C5orf34: variants seen among roughly 807,000 people sequenced by gnomAD.
The protein encoded by C5orf34 is chromosome 5 open reading frame 34, also known as uncharacterized protein C5orf34.
In C5orf34, 73 loss-of-function variants were observed where a neutral mutation model predicts 78.4. The observed-to-expected ratio is 0.93, with a 90% CI of 0.77 to 1.13. C5orf34 has a LOEUF of 1.13. Ranked by LOEUF, C5orf34 falls within the 50% of genes most tolerant of loss-of-function variation. The pLI is 0.00. For synonymous variants in C5orf34, 251 were observed against 246.6 expected, an observed-to-expected ratio of 1.02 and a Z score of -0.17; for missense variants, 730 against 732.7, an observed-to-expected ratio of 1.00 and a Z score of 0.04.
intron 6 of C5orf34, among the ~76,000 whole-genome samples, chr5:43,501,556 A>G (rs1745761270): frequency 6.6e-6 from 1 of 152,244 alleles, no homozygotes; most frequent in East Asian, 1.9e-4. Flanking sequence ...TTACTTAAAA[A>G]TAAACAGGGA....
At chr5:43,506,453 A>T in intron 3 of C5orf34, 59 bp from the exon 4 acceptor site, 1 of 1,455,026 alleles carries the variant, frequency 6.9e-7, no homozygotes, top group Non-Finnish European at 9.2e-7. Context: ...CAATTTTTCC[A>T]TATATTTGAT....
chr5:43,510,236 G>A (rs574339398), intron 1 of C5orf34, among the ~76,000 whole-genome samples: 1 of 152,070 alleles, frequency 6.6e-6, no homozygotes, highest in South Asian at 2.1e-4. Flanking sequence ...CCAAATACCT[G>A]GAATCCTGTC....
chr5:43,488,944 A>C (rs910019781), intron 11 of C5orf34, among the ~76,000 whole-genome samples: 6 of 152,088 alleles, frequency 3.9e-5, no homozygotes, highest in Admixed American at 2.6e-4. Flanking sequence ...ACAACAGATC[A>C]CATGCACCTC....
At chr5:43,509,057 G>C in intron 2 of C5orf34, 88 bp downstream of exon 2, 1 of 993,678 alleles carries the variant, frequency 1.0e-6, no homozygotes. Flanking sequence ...GTGAGCTATG[G>C]TAGTGCCACT....
At chr5:43,509,470 T>C (rs1579882051) in intron 1 of C5orf34, 95 bp from the exon 2 acceptor site, 1 of 644,204 alleles carries the variant, frequency 1.6e-6, no homozygotes, top group East Asian at 2.9e-5. Flanking sequence ...GAAGATGACA[T>C]TGCCATTGCA....
intron 3 of C5orf34, among the ~76,000 whole-genome samples, chr5:43,506,718 C>T (rs925936324): frequency 6.6e-6 from 1 of 151,246 alleles, no homozygotes; most frequent in African/African-American, 2.4e-5. Flanking sequence ...CCTCACCCTG[C>T]AAAAGTTTAC....
chr5:43,496,240 G>A (rs1745512666), intron 6 of C5orf34: 2 of 1,578,468 alleles, frequency 1.3e-6, no homozygotes, highest in East Asian at 2.2e-5. Flanking sequence ...GATATCAATG[G>A]TGATACCACG....
rs1229601804 is a variant in C5orf34 at position 43,492,232 on chromosome 5, G to T, written c.1563C>A (p.His521Gln). The change falls in exon 10 of 13, where the codon CAC becomes CAA. Residue 521 changes from histidine (H) to glutamine (Q), a missense_variant. Coordinates refer to ENST00000306862, the MANE Select transcript of C5orf34 (RefSeq NM_198566.4). ...TTCAGTACCTTTCATATGGTTCAGG[G>T]TGTTCAATCTGAATTAACTGCTCTT... The part of the protein sequence containing the change: ...DGQEQLIQIE[H>Q]PEPYERYVTT... 6.2e-7 allele frequency: 1 copy of T among 1,610,788 alleles called. No homozygotes were observed. The highest frequency in any genetic ancestry group is 1.1e-5 in the South Asian group (1 of 90,374).
intron 3 of C5orf34, among the ~76,000 whole-genome samples, chr5:43,507,923 A>G (rs1482129179): frequency 6.6e-6 from 1 of 152,118 alleles, no homozygotes; most frequent in Non-Finnish European, 1.5e-5. Flanking sequence ...CTAAAAATGC[A>G]AGAAATTAGC....
Position 43,509,185 on chromosome 5 carries a change from C to G in C5orf34, c.155G>C (p.Arg52Thr). The G allele has an allele frequency of 6.2e-7, 1 of 1,613,838 alleles. No homozygotes were observed. Among genetic ancestry groups the G allele is most frequent in the Non-Finnish European group, 8.5e-7 (1 of 1,179,952 alleles). The change falls in exon 2 of 13, where the codon AGA becomes ACA. Residue 52 changes from arginine to threonine, a missense_variant. Transcript: ENST00000306862. Reference sequence around the variant, plus strand: ...GACAAAATGTGTCCTTTGACGAATTCTTTCTGGTTGTTCTAAAGGATGTGC... The same window carrying G: ...GACAAAATGTGTCCTTTGACGAATTGTTTCTGGTTGTTCTAAAGGATGTGC... ...VSAHPLEQPERIRQRTHFVIS... is the reference protein window; with the variant it reads ...VSAHPLEQPETIRQRTHFVIS...
At chr5:43,492,174 A>T in intron 10 of C5orf34, 41 bp downstream of exon 10, 1 of 1,344,068 alleles carries the variant, frequency 7.4e-7, no homozygotes, top group Non-Finnish European at 1.1e-6. Flanking sequence ...GTTAGTTAAA[A>T]GTAAAACATA....
At chr5:43,506,645 A>T (rs911077635) in intron 3 of C5orf34, among the ~76,000 whole-genome samples, 4 of 152,198 alleles carry the variant, frequency 2.6e-5, no homozygotes, top group Non-Finnish European at 4.4e-5. Context: ...AAATGGTCAT[A>T]TTTAGTGTTA....
In C5orf34 at chr5:43,502,428, C is replaced by A; in HGVS notation, c.1096G>T (p.Gly366Trp). ...GTAAAATAGTTCCCAAAATAAGCCC[C>A]TTCTGATTTGAAAACAGATCCATCC... ...SGDGSVFKSE[G>W]AYFGNYFTYY... The change falls in exon 6 of 13, where the codon GGG becomes TGG. Residue 366 changes from glycine to tryptophan, a missense_variant. Gly to Trp is a radical substitution (Grantham distance 184, BLOSUM62 -2). Transcript: ENST00000306862. 6.2e-7 allele frequency: 1 copy of A among 1,605,630 alleles called. No homozygotes were observed. Among genetic ancestry groups the A allele is most frequent in the Non-Finnish European group, 8.5e-7 (1 of 1,173,068 alleles).
chr5:43,486,828 C>T lies in C5orf34; in HGVS notation c.*87G>A, dbSNP rs1228140148. On this transcript the variant is annotated 3_prime_UTR_variant, in exon 13 of 13. Transcript: ENST00000306862. ...AATCATTGTGCCGGGGTAATACGTA[C>T]AATATCTTGGCTTACTAGTAATTTT... is the stretch of plus-strand genomic sequence containing the variant. 2 of 689,672 alleles carry T rather than the reference C, an allele frequency of 2.9e-6. No individual in the cohort carries two copies. The highest frequency in any genetic ancestry group is 3.5e-5 in the South Asian group (1 of 28,212). 42.7% of individuals were successfully genotyped at this position (689,672 alleles called of 1,614,324 possible).
In C5orf34 at chr5:43,508,632, G is replaced by A; in HGVS notation, c.230C>T (p.Ser77Phe). Residue 77 changes from serine to phenylalanine, a missense_variant, in exon 3 of 13, where the codon TCT (serine) becomes TTT (phenylalanine). Physicochemically the swap from Ser to Phe is radical, Grantham distance 155 (BLOSUM62 -2). Transcript: ENST00000306862. ...QLQRALDFRN[S>F]SATCPFLSET... ...AGATAAAAAAGGGCAAGTAGCTGAA[G>A]AGTTTCGAAAATCTAGGGCTCGCTG... The A allele has an allele frequency of 1.2e-6, 2 of 1,611,598 alleles. No homozygotes were observed. The highest frequency in any genetic ancestry group is 1.7e-6 in the Non-Finnish European group (2 of 1,177,932).
intron 6 of C5orf34, among the ~76,000 whole-genome samples, chr5:43,501,831 A>G (rs2112306320): frequency 6.6e-6 from 1 of 152,330 alleles, no homozygotes; most frequent in African/African-American, 2.4e-5. Flanking sequence ...TAGATGTCAA[A>G]TATCAGAGGG....
At chr5:43,511,995 CCT>C (rs1316329612) in intron 1 of C5orf34, among the ~76,000 whole-genome samples, 1 of 150,878 alleles carries the variant, frequency 6.6e-6, no homozygotes, top group Non-Finnish European at 1.5e-5. Flanking sequence ...GCCAAATCCC[CCT>C]CTGTGAGAAA....
At chr5:43,508,732 G>A in intron 2 of C5orf34, 66 bp from the exon 3 acceptor site, 1 of 983,176 alleles carries the variant, frequency 1.0e-6, no homozygotes, top group South Asian at 1.3e-5. Flanking sequence ...AAAAATGACA[G>A]TACAGTATAA....
intron 6 of C5orf34, among the ~76,000 whole-genome samples, chr5:43,500,084 A>T (rs1745696116): frequency 6.6e-6 from 1 of 152,194 alleles, no homozygotes; most frequent in African/African-American, 2.4e-5. Context: ...CTATGAAAGC[A>T]CCACTTTTCC....
Sources: allele counts gnomAD v4.1 joint callset (sites outside exome capture counted in the v4.1 genomes callset), GRCh38; gene constraint gnomAD v4.1.1; transcripts MANE v1.5; gene names NCBI Gene and HGNC (gene_info 2026-07-23, HGNC 2026-07-21).